Variants in GALNT13 observed in about 807,000 individuals in gnomAD.
GALNT13 encodes polypeptide N-acetylgalactosaminyltransferase 13.
Under a neutral mutation model 64.2 loss-of-function variants are expected in GALNT13, and 28 were observed. The observed-to-expected ratio is 0.44, with a 90% CI of 0.32 to 0.60. The LOEUF (loss-of-function observed/expected upper bound fraction) is 0.60, where lower values mean the gene tolerates loss of function less well. Among genes scored for constraint, GALNT13 ranks in the 20% least tolerant of loss-of-function variants. GALNT13 has a pLI of 0.05. For missense variants in GALNT13, 577 were observed against 669.8 expected (o/e 0.86, Z 1.53); for synonymous variants, 214 against 224.6 (o/e 0.95, Z 0.42).
At chr2:154,122,523 G>C (rs1344291622) in intron 3 of GALNT13, among the ~76,000 whole-genome samples, 1 of 151,858 alleles carries the variant, frequency 6.6e-6, no homozygotes, top group Non-Finnish European at 1.5e-5. Context: ...TTAACTATTT[G>C]GTAGAATTCA....
the GALNT13 span, among the ~76,000 whole-genome samples, chr2:153,078,849 G>A: frequency 6.6e-6 from 1 of 151,954 alleles, no homozygotes; most frequent in East Asian, 1.9e-4. Context: ...AGTCTTTGGA[G>A]TTGATTATAT....
intron 3 of GALNT13, among the ~76,000 whole-genome samples, chr2:154,134,756 C>T (rs1682851506): frequency 6.6e-6 from 1 of 152,148 alleles, no homozygotes; most frequent in East Asian, 1.9e-4. Flanking sequence ...GTCTGGGAGG[C>T]CTAGGTGGAA....
the GALNT13 span, among the ~76,000 whole-genome samples, chr2:153,540,566 C>T: frequency 6.6e-6 from 1 of 152,170 alleles, no homozygotes; most frequent in African/African-American, 2.4e-5. Flanking sequence ...GCACTATGTA[C>T]CTGGAACAGC....
At chr2:153,318,690 T>G in the GALNT13 span, among the ~76,000 whole-genome samples, 1 of 152,302 alleles carries the variant, frequency 6.6e-6, no homozygotes, top group Non-Finnish European at 1.5e-5. Flanking sequence ...TGTATTCCAT[T>G]TTTTGCTTGA....
the GALNT13 span, among the ~76,000 whole-genome samples, chr2:153,246,993 C>A: frequency 1.3e-5 from 2 of 152,156 alleles, no homozygotes; most frequent in Non-Finnish European, 2.9e-5. Flanking sequence ...GCAGGGGTTG[C>A]AATCCTAGTC....
intron 3 of GALNT13, among the ~76,000 whole-genome samples, chr2:154,132,299 C>CT (rs1463395881): frequency 6.6e-6 from 1 of 152,082 alleles, no homozygotes; most frequent in African/African-American, 2.4e-5. Flanking sequence ...AAATGAACCA[C>CT]TGCTAATCTT....
the GALNT13 span, among the ~76,000 whole-genome samples, chr2:153,236,847 A>G: frequency 2.0e-5 from 3 of 152,240 alleles, no homozygotes; most frequent in South Asian, 6.2e-4. Flanking sequence ...AATACATTTC[A>G]TAAGGCTATA....
chr2:153,761,331 T>C, the GALNT13 span: 1 of 152,168 alleles, frequency 6.6e-6, no homozygotes, highest in Non-Finnish European at 1.5e-5. Context: ...AAAAACATTA[T>C]TATAATTGAG....
chr2:154,275,749 C>T (rs537235493), intron 8 of GALNT13, among the ~76,000 whole-genome samples: 33 of 152,296 alleles, frequency 2.2e-4, no homozygotes, highest in African/African-American at 6.7e-4. Context: ...GTCCTCCAGA[C>T]CCCAGAATGG....
rs113952715 is a variant in GALNT13, at chr2:154,317,363, G to T, written c.1156+15774G>T. Among the ~76,000 whole-genome samples, 246 of 152,170 alleles carry T rather than the reference G, an allele frequency of 1.6e-3. 2 individuals are homozygous for T. Among genetic ancestry groups the T allele is most frequent in the African/African-American group, 5.6e-3 (234 of 41,534 alleles). ...AGCTTTCCAGAAAATGTTGTATTTG[G>T]AATTGATTTTTAGTGAAGTAAGCTA... On this transcript the variant is annotated intron_variant, in intron 9 of 12. Coordinates refer to ENST00000392825, the MANE Select transcript of GALNT13 (RefSeq NM_052917.4).
intron 2 of GALNT13, among the ~76,000 whole-genome samples, chr2:153,927,504 T>A (rs1041565535): frequency 1.3e-5 from 2 of 151,990 alleles, no homozygotes; most frequent in Admixed American, 1.3e-4. Flanking sequence ...TATTAATGGA[T>A]TATACACTCC....
chr2:153,971,154 T>C (rs1305481779), intron 3 of GALNT13, among the ~76,000 whole-genome samples: 1 of 152,152 alleles, frequency 6.6e-6, no homozygotes, highest in African/African-American at 2.4e-5. Flanking sequence ...CTTTCTCCAG[T>C]TTACTTCATG....
intron 3 of GALNT13, among the ~76,000 whole-genome samples, chr2:154,125,978 GA>G (rs1183160411): frequency 3.9e-5 from 6 of 152,154 alleles, no homozygotes; most frequent in Non-Finnish European, 5.9e-5. Context: ...GGGGATCCAT[GA>G]CTGTTTTTCA....
chr2:153,439,620 T>G, the GALNT13 span, among the ~76,000 whole-genome samples: 6 of 152,296 alleles, frequency 3.9e-5, no homozygotes, highest in Non-Finnish European at 8.8e-5. Flanking sequence ...ATCTCAGCCA[T>G]GTGTGGGATA....
At chr2:153,604,751 A>G in the GALNT13 span, among the ~76,000 whole-genome samples, 1 of 152,022 alleles carries the variant, frequency 6.6e-6, no homozygotes, top group Non-Finnish European at 1.5e-5. Flanking sequence ...TATATCTATG[A>G]ATATGACATT....
chr2:153,263,336 G>A, the GALNT13 span, among the ~76,000 whole-genome samples: 1 of 152,066 alleles, frequency 6.6e-6, no homozygotes, highest in South Asian at 2.1e-4. Flanking sequence ...CTTATGGATA[G>A]GAAGAATCAA....
chr2:154,298,198 A>G (rs1179145804), intron 8 of GALNT13, among the ~76,000 whole-genome samples: 1 of 151,280 alleles, frequency 6.6e-6, no homozygotes, highest in Non-Finnish European at 1.5e-5. Context: ...AAATCAGGAG[A>G]CTCCAAGAAA....
At chr2:154,431,100 C>T (rs938330189) in intron 11 of GALNT13, among the ~76,000 whole-genome samples, 4 of 152,050 alleles carry the variant, frequency 2.6e-5, no homozygotes, top group African/African-American at 9.7e-5. Context: ...TGAAGTTTGC[C>T]TGTGTATATG....
chr2:153,971,492 A>G (rs1221568386), intron 3 of GALNT13, among the ~76,000 whole-genome samples: 1 of 152,112 alleles, frequency 6.6e-6, no homozygotes, highest in Non-Finnish European at 1.5e-5. Flanking sequence ...TATTTGCTTA[A>G]TGCTGTCATG....
Sources: allele counts gnomAD v4.1 joint callset (sites outside exome capture counted in the v4.1 genomes callset), GRCh38; gene constraint gnomAD v4.1.1; transcripts MANE v1.5; gene names NCBI Gene and HGNC (gene_info 2026-07-23, HGNC 2026-07-21).